The following ADAMTS18 variants were observed in gnomAD, a reference collection of about 807,000 sequenced individuals.
ADAMTS18 encodes the protein A disintegrin and metalloproteinase with thrombospondin motifs 18.
In ADAMTS18, 157 loss-of-function variants were observed where a neutral mutation model predicts 165.9. The ratio of observed to expected loss-of-function variants is 0.95; its 90% confidence interval spans 0.83 to 1.08. The LOEUF (loss-of-function observed/expected upper bound fraction) is 1.08. ADAMTS18 is among the 50% of genes least tolerant of loss of function. The pLI, the probability that ADAMTS18 is intolerant of heterozygous loss-of-function variation, is 0.00. For missense variants in ADAMTS18, 2,040 were observed against 1,534.0 expected, an observed-to-expected ratio of 1.33 and a Z score of -5.51; for synonymous variants, 782 against 578.2, an observed-to-expected ratio of 1.35 and a Z score of -5.06.
intron 8 of ADAMTS18, among the ~76,000 whole-genome samples, chr16:77,358,340 C>T (rs997623554): frequency 6.6e-6 from 1 of 152,142 alleles, no homozygotes; most frequent in Non-Finnish European, 1.5e-5. Context: ...CTTTGGGAAA[C>T]CGAGGTCGGC....
Position 77,297,357 on chromosome 16 carries a change from T to C in ADAMTS18, c.2733A>G (p.Ser911=). 1 of 1,613,996 alleles carries C rather than the reference T, an allele frequency of 6.2e-7. No individual in the cohort carries two copies. Among genetic ancestry groups the C allele is most frequent in the Admixed American group, 1.7e-5 (1 of 60,020 alleles). Residue 911 remains serine (S), a synonymous_variant, in exon 18 of 23, where the codon TCA becomes TCG. Coordinates refer to ENST00000282849, the MANE Select transcript of ADAMTS18 (RefSeq NM_199355.4). ...CTGGCTTGGTTTTTGCACTGCAGAA[T>C]GAGGAATTGACTTGAGTATTTTGAT... ...LRDQNTQVNS[S]FCSAKTKPVT...
At chr16:77,330,895 C>A (rs944155569) in intron 12 of ADAMTS18, among the ~76,000 whole-genome samples, 1 of 152,094 alleles carries the variant, frequency 6.6e-6, no homozygotes, top group Non-Finnish European at 1.5e-5. Flanking sequence ...AATGCTTAAA[C>A]TGAAGCAAGA....
intron 14 of ADAMTS18, 73 bp downstream of exon 14, chr16:77,322,263 A>C (rs1033651814): frequency 6.4e-7 from 1 of 1,573,284 alleles, no homozygotes; most frequent in Non-Finnish European, 8.7e-7. Flanking sequence ...CTCTCACACC[A>C]CTGTTCACGG....
At chr16:77,333,739 C>A (rs2056228745) in intron 12 of ADAMTS18, among the ~76,000 whole-genome samples, 1 of 150,256 alleles carries the variant, frequency 6.7e-6, no homozygotes, top group Non-Finnish European at 1.5e-5. Flanking sequence ...TGGCACATAT[C>A]CATAATTGAA....
chr16:77,294,989 G>C lies in ADAMTS18; in HGVS notation c.2940C>G (p.Pro980=). Residue 980 remains proline, a synonymous_variant, in exon 19 of 23, where the codon CCC becomes CCG. Coordinates refer to ENST00000282849, the MANE Select transcript of ADAMTS18 (RefSeq NM_199355.4). Reference sequence around the variant, plus strand: ...GGCTGTTGCAGGCTTGGACCTGAGTGGGTGTGCTCACTGGACAGAGAGAAT... The same window carrying C: ...GGCTGTTGCAGGCTTGGACCTGAGTCGGTGTGCTCACTGGACAGAGAGAAT... The part of the protein sequence containing the change: ...VLHSLCPVST[P]TQVQACNSHA... 3 of 1,614,158 alleles carry C rather than the reference G, an allele frequency of 1.9e-6. No individual in the cohort carries two copies. The highest frequency in any genetic ancestry group is 2.5e-6 in the Non-Finnish European group (3 of 1,180,032).
At chr16:77,302,818 C>G (rs1245065368) in intron 16 of ADAMTS18, among the ~76,000 whole-genome samples, 3 of 152,148 alleles carry the variant, frequency 2.0e-5, no homozygotes, top group Non-Finnish European at 4.4e-5. Context: ...CCATACATGG[C>G]CTGTGGTTTC....
At chr16:77,417,842 C>T (rs1278028910) in intron 3 of ADAMTS18, among the ~76,000 whole-genome samples, 4 of 152,276 alleles carry the variant, frequency 2.6e-5, no homozygotes, top group African/African-American at 9.6e-5. Flanking sequence ...CAGGCAAGGG[C>T]ACACATTTGC....
chr16:77,320,216 T>G, intron 15 of ADAMTS18, 123 bp from the exon 16 acceptor site: 1 of 1,164,306 alleles, frequency 8.6e-7, no homozygotes, highest in Non-Finnish European at 1.3e-6. Flanking sequence ...TTATCTAAAT[T>G]CATTCTTACT....
chr16:77,410,663 C>A lies in ADAMTS18; in HGVS notation c.495+20632G>T, dbSNP rs533280807. Among the ~76,000 whole-genome samples, 13 of 152,248 alleles carry A rather than the reference C, an allele frequency of 8.5e-5. No individual in the cohort carries two copies. In the South Asian group the frequency reaches 2.7e-3, roughly 32 times the overall value. ...CCCCCCTACCATCTTGGCAGGTAGC[C>A]AGAGACCGCCCTTGCTTGTTGTAAT... On this transcript the variant is annotated intron_variant, in intron 3 of 22. Transcript: ENST00000282849.
intron 12 of ADAMTS18, among the ~76,000 whole-genome samples, chr16:77,333,374 A>G (rs1437726326): frequency 1.3e-5 from 2 of 151,986 alleles, no homozygotes; most frequent in South Asian, 2.1e-4. Flanking sequence ...TAAAGCTTAG[A>G]TGATGGGTTG....
intron 3 of ADAMTS18, among the ~76,000 whole-genome samples, chr16:77,423,219 T>A (rs968722434): frequency 2.6e-5 from 4 of 152,226 alleles, no homozygotes; most frequent in African/African-American, 9.6e-5. Flanking sequence ...GTGTTTTAGC[T>A]GAATCTCTTC....
chr16:77,295,160 C>A (rs1480311615), intron 18 of ADAMTS18, 33 bp from the exon 19 acceptor site: 4 of 1,611,642 alleles, frequency 2.5e-6, no homozygotes, highest in South Asian at 1.1e-5. Flanking sequence ...ACCAATGAAG[C>A]CAAACTTTGT....
intron 10 of ADAMTS18, among the ~76,000 whole-genome samples, chr16:77,345,847 C>A (rs895490811): frequency 6.6e-6 from 1 of 152,170 alleles, no homozygotes; most frequent in Non-Finnish European, 1.5e-5. Context: ...CAGCTCATGG[C>A]ACTTTTCTGC....
intron 13 of ADAMTS18, among the ~76,000 whole-genome samples, chr16:77,324,537 G>A (rs182336659): frequency 7.2e-5 from 11 of 152,334 alleles, no homozygotes; most frequent in African/African-American, 2.4e-4. Context: ...CTTAGTCCTT[G>A]TGGAACCTAA....
At chr16:77,371,956 G>A (rs1241560599) in intron 3 of ADAMTS18, among the ~76,000 whole-genome samples, 3 of 152,056 alleles carry the variant, frequency 2.0e-5, no homozygotes, top group African/African-American at 7.2e-5. Context: ...TTTTTAAGAT[G>A]GCCAAAAAAC....
intron 12 of ADAMTS18, among the ~76,000 whole-genome samples, chr16:77,327,853 A>G (rs1201185163): frequency 3.3e-5 from 5 of 152,280 alleles, no homozygotes; most frequent in African/African-American, 9.6e-5. Context: ...CACCTATTAC[A>G]TAGAACGTCA....
Position 77,289,420 on chromosome 16 carries a change from G to C in ADAMTS18, c.3403-9C>G, listed in dbSNP as rs1431850083. ...CCACAGGTGACTGTGCACTGCAGCA[G>C]AGAGAAGAGGAAGGAGTCAGAAACA... On this transcript the variant is annotated splice_polypyrimidine_tract_variant and intron_variant, in intron 21 of 22. Coordinates refer to ENST00000282849, the MANE Select transcript of ADAMTS18 (RefSeq NM_199355.4). 9 of 1,613,754 alleles carry C rather than the reference G, an allele frequency of 5.6e-6. No individual in the cohort carries two copies. The African/African-American group carries it at 9.3e-5, about 17-fold the overall frequency.
intron 4 of ADAMTS18, among the ~76,000 whole-genome samples, chr16:77,365,524 T>C (rs2056780443): frequency 6.6e-6 from 1 of 152,202 alleles, no homozygotes; most frequent in Non-Finnish European, 1.5e-5. Flanking sequence ...GGGGATGATA[T>C]TAAAAACTGT....
intron 3 of ADAMTS18, among the ~76,000 whole-genome samples, chr16:77,414,489 T>C (rs1295774564): frequency 6.6e-6 from 1 of 152,246 alleles, no homozygotes; most frequent in Non-Finnish European, 1.5e-5. Context: ...TAAAATATAA[T>C]ACCAACATAA....
Sources: allele counts gnomAD v4.1 joint callset (sites outside exome capture counted in the v4.1 genomes callset), GRCh38; gene constraint gnomAD v4.1.1; transcripts MANE v1.5; gene names NCBI Gene and HGNC (gene_info 2026-07-23, HGNC 2026-07-21).